RFX1: variants seen among roughly 807,000 people sequenced by gnomAD.
RFX1 encodes the protein MHC class II regulatory factor RFX1.
RFX1 carries 42 observed loss-of-function variants against 119.6 expected under a neutral mutation model. The ratio of observed to expected loss-of-function variants is 0.35; its 90% CI spans 0.27 to 0.45. The LOEUF (loss-of-function observed/expected upper bound fraction) is 0.45. RFX1 is among the 20% of genes least tolerant of loss of function. RFX1 has a pLI of 1.00. For synonymous variants in RFX1, 628 were observed against 618.5 expected (o/e 1.02, Z -0.23); for missense variants, 1,118 against 1,368.1 (o/e 0.82, Z 2.88).
intron 5 of RFX1, among the ~76,000 whole-genome samples, chr19:13,981,080 C>G (rs1055862626): frequency 1.3e-5 from 2 of 152,208 alleles, no homozygotes; most frequent in African/African-American, 4.8e-5. Context: ...TCACTGGAAT[C>G]TCATGGCACC....
rs1042511900 is a variant in RFX1, at chr19:13,985,139, G to C, written c.320-1544C>G. 6.6e-6 allele frequency among the ~76,000 whole-genome samples: 1 copy of C among 152,096 alleles called. No homozygotes were observed. The highest frequency in any genetic ancestry group is 1.9e-4 in the East Asian group (1 of 5,174). Reference sequence around the variant, plus strand: ...CATCTCCCGAAGTGCCGGAATTACCGGCGTGAGCCACTGTGCCTGGCTGAC... The same window carrying C: ...CATCTCCCGAAGTGCCGGAATTACCCGCGTGAGCCACTGTGCCTGGCTGAC... On this transcript the variant is annotated intron_variant, in intron 2 of 20. Coordinates refer to ENST00000254325, the MANE Select transcript of RFX1 (RefSeq NM_002918.5). The surrounding 1 kb of genome is among the most constrained non-coding windows in gnomAD (Gnocchi z 4.3).
At chr19:13,971,954 C>A (rs905244491) in intron 9 of RFX1, among the ~76,000 whole-genome samples, 2 of 151,920 alleles carry the variant, frequency 1.3e-5, no homozygotes, top group African/African-American at 2.4e-5. Context: ...CGCAGTGAGC[C>A]GAGATCATGC....
chr19:13,982,034 G>T, intron 5 of RFX1, 87 bp downstream of exon 5: 1 of 557,208 alleles, frequency 1.8e-6, no homozygotes, highest in Non-Finnish European at 2.8e-6. Flanking sequence ...GGGGGGCGGG[G>T]CAGGGAGCCC....
intron 2 of RFX1, among the ~76,000 whole-genome samples, chr19:13,992,278 C>CA (rs568566540): frequency 1.2e-4 from 18 of 152,106 alleles, no homozygotes; most frequent in Middle Eastern, 3.4e-3. Flanking sequence ...ATCTCTAAAC[C>CA]AAAAAAACAC....
In RFX1 at chr19:13,965,436, C is replaced by T. The variant is rs1443621113; in HGVS notation, c.2211+13G>A. 1 of 1,611,590 alleles carries T rather than the reference C, an allele frequency of 6.2e-7. No homozygotes were observed. Among genetic ancestry groups the T allele is most frequent in the Non-Finnish European group, 8.5e-7 (1 of 1,178,012 alleles). On this transcript the variant is annotated intron_variant, in intron 16 of 20. Transcript: ENST00000254325. This position sits in a 1 kb window ranked among gnomAD's most constrained non-coding sequence, Gnocchi z 4.7. The stretch of plus-strand genomic sequence containing the variant: ...CCCAGAGATAGGAGAAAGGGACCCC[C>T]TCACACTCTCACCTTCACCCGCAGC...
chr19:14,002,094 C>T (rs1248179214), intron 1 of RFX1, among the ~76,000 whole-genome samples: 1 of 151,526 alleles, frequency 6.6e-6, no homozygotes, highest in African/African-American at 2.4e-5. Flanking sequence ...CAAGATTGCG[C>T]CATTGCATTC....
chr19:13,979,637 C>A, intron 6 of RFX1, 95 bp from the exon 7 acceptor site: 2 of 772,224 alleles, frequency 2.6e-6, no homozygotes, highest in Non-Finnish European at 4.0e-6. Context: ...AAGCTCACAG[C>A]AGACCCATAA....
In RFX1 at chr19:13,962,663, G is replaced by T; in HGVS notation, c.*32C>A. ...TGAGGGACCCTGGCGTGGAGGGGTG[G>T]CGGGGGCGGGTGGGGCGGGGAGGCC... On this transcript the variant is annotated 3_prime_UTR_variant, in exon 21 of 21. Transcript: ENST00000254325. The T allele has an allele frequency of 6.7e-7, 1 of 1,485,742 alleles. No individual in the cohort carries two copies. The highest frequency in any genetic ancestry group is 8.9e-7 in the Non-Finnish European group (1 of 1,119,656). The allele number at this position is 1,485,742 out of a possible 1,614,324, so 92.0% of individuals were successfully genotyped here.
At chr19:13,988,093 C>G (rs1229607746) in intron 2 of RFX1, among the ~76,000 whole-genome samples, 1 of 146,632 alleles carries the variant, frequency 6.8e-6, no homozygotes, top group African/African-American at 2.6e-5. Context: ...ATGACATGAT[C>G]TCGACTCACT....
chr19:14,005,083 C>T (rs1166760421), intron 1 of RFX1, among the ~76,000 whole-genome samples: 1 of 152,198 alleles, frequency 6.6e-6, no homozygotes, highest in African/African-American at 2.4e-5. Context: ...GCTTCATTTG[C>T]TCCCCCATTC....
At chr19:13,967,148 T>G (rs187163277) in intron 12 of RFX1, among the ~76,000 whole-genome samples, 1 of 152,216 alleles carries the variant, frequency 6.6e-6, no homozygotes, top group East Asian at 1.9e-4. Flanking sequence ...ACAGTCGCCC[T>G]AGGGATGCCC....
intron 8 of RFX1, among the ~76,000 whole-genome samples, chr19:13,977,022 T>G (rs978516696): frequency 5.4e-5 from 8 of 148,256 alleles, no homozygotes; most frequent in Non-Finnish European, 1.2e-4. Flanking sequence ...AAAAGTCCAG[T>G]GCGGTGGCTC....
Position 13,968,818 on chromosome 19 carries a change from G to T in RFX1, c.1573C>A (p.Gln525Lys), listed in dbSNP as rs866762330. Reference protein sequence around the residue: ...SPLLRLMEDQQHMAMRGQPFS... With the variant: ...SPLLRLMEDQKHMAMRGQPFS... ...GGCTGGCCCCGCATGGCCATGTGCT[G>T]CTGGTCCTCCATCAGCCGCAGCAGG... The change falls in exon 11 of 21, where the codon CAG becomes AAG. Residue 525 changes from glutamine (Q) to lysine (K), a missense_variant. By Grantham distance (53) the Gln-to-Lys change is moderately conservative. Transcript: ENST00000254325. The surrounding 1 kb of genome is among the most constrained non-coding windows in gnomAD (Gnocchi z 5.5). 4 of 1,566,066 alleles carry T rather than the reference G, an allele frequency of 2.6e-6. No individual in the cohort carries two copies. Among genetic ancestry groups the T allele is most frequent in the South Asian group, 1.2e-5 (1 of 86,332 alleles).
In RFX1 at chr19:13,985,539, G is replaced by A. The variant is rs574358203; in HGVS notation, c.320-1944C>T. On this transcript the variant is annotated intron_variant, in intron 2 of 20. Coordinates refer to ENST00000254325, the MANE Select transcript of RFX1 (RefSeq NM_002918.5). This position sits in a 1 kb window ranked among gnomAD's most constrained non-coding sequence, Gnocchi z 4.3. ...CAACAGAGACCAGAAGCAAGGAAGT[G>A]ATCTGTCCAAGGTCAAATGCACCAT... is the stretch of plus-strand genomic sequence containing the variant. Among the ~76,000 whole-genome samples, 1 of 152,340 alleles carries A rather than the reference G, an allele frequency of 6.6e-6. No homozygotes were observed. The highest frequency in any genetic ancestry group is 1.9e-4 in the East Asian group (1 of 5,190).
In RFX1 at chr19:13,963,181, G is replaced by A. The variant is rs775406087; in HGVS notation, c.2665C>T (p.Leu889=). The A allele has an allele frequency of 1.3e-5, 21 of 1,612,634 alleles. No homozygotes were observed. Among genetic ancestry groups the A allele is most frequent in the Non-Finnish European group, 4.2e-6 (5 of 1,179,468 alleles). ...GCCTGGGCTACGCGGTGCTCGATCAGGTAGTACATGTACTCGTCGTAGAGC... is the reference window on the plus strand; with the variant it reads ...GCCTGGGCTACGCGGTGCTCGATCAAGTAGTACATGTACTCGTCGTAGAGC... The part of the protein sequence containing the change: ...RLLYDEYMYY[L]IEHRVAQAKG... Residue 889 remains leucine (L), a synonymous_variant, in exon 19 of 21, where the codon CTG becomes TTG. Coordinates refer to ENST00000254325, the MANE Select transcript of RFX1 (RefSeq NM_002918.5).
rs35165719 is a variant in RFX1 at position 13,994,719 on chromosome 19, ATGTGTGTGTG to A, written c.-52-834_-52-825del. ...GACCCAAGACTCTGTCTAAATATAT[ATGTGTGTGTG>A]TGTGTGTGTGTGTGTGTGTGTGTGT... On this transcript the variant is annotated intron_variant, in intron 1 of 20. Transcript: ENST00000254325. Among the ~76,000 whole-genome samples the A allele has an allele frequency of 8.4e-3, 1,062 of 125,994 alleles. 47 individuals carry two copies. The highest frequency in any genetic ancestry group is 0.073 in the Admixed American group (876 of 11,924). 82.7% of individuals were successfully genotyped at this position (125,994 alleles called of 152,430 possible).
chr19:13,972,974 G>C lies in RFX1; in HGVS notation c.1083C>G (p.Ser361=), dbSNP rs569494540. 5 of 1,599,926 alleles carry C rather than the reference G, an allele frequency of 3.1e-6. No homozygotes were observed. In the African/African-American group the frequency reaches 6.7e-5, roughly 21 times the overall value. ...TGGAGCTGGCGACGACCTGGCTGCC[G>C]GACACGTACATGGGCATGGAGCCAC... ...ASSGSMPMYV[S]GSQVVASSTS... is the part of the protein sequence containing the mutation. Residue 361 remains serine (S), a synonymous_variant, in exon 9 of 21, where the codon TCC becomes TCG. Coordinates refer to ENST00000254325, the MANE Select transcript of RFX1 (RefSeq NM_002918.5).
In RFX1 at chr19:13,962,589, C is replaced by G; in HGVS notation, c.*106G>C. 1.0e-6 allele frequency: 1 copy of G among 975,322 alleles called. No individual in the cohort carries two copies. The highest frequency in any genetic ancestry group is 1.7e-5 in the South Asian group (1 of 57,804). The allele number at this position is 975,322 out of a possible 1,614,324, so 60.4% of individuals were successfully genotyped here. ...GTCTTCCCTGTCTCGGAGTCCCCCT[C>G]CCTGCCCTGGCTGAGGCTGGAGCAG... On this transcript the variant is annotated 3_prime_UTR_variant, in exon 21 of 21. Coordinates refer to ENST00000254325, the MANE Select transcript of RFX1 (RefSeq NM_002918.5).
rs916485224 is a variant in RFX1, at chr19:13,997,003, C to T, written c.-52-3108G>A. Among the ~76,000 whole-genome samples, 11 of 152,254 alleles carry T rather than the reference C, an allele frequency of 7.2e-5. No homozygotes were observed. The South Asian group carries it at 1.4e-3, about 20-fold the overall frequency. On this transcript the variant is annotated intron_variant, in intron 1 of 20. Coordinates refer to ENST00000254325, the MANE Select transcript of RFX1 (RefSeq NM_002918.5). Reference sequence around the variant, plus strand: ...CCTCCCAAAGTGCTAGGATTACAGGCGTGAGCCACCGCGCCCAACCTTCAT... The same window carrying T: ...CCTCCCAAAGTGCTAGGATTACAGGTGTGAGCCACCGCGCCCAACCTTCAT...
Sources: allele counts gnomAD v4.1 joint callset (sites outside exome capture counted in the v4.1 genomes callset), GRCh38; gene constraint gnomAD v4.1.1; non-coding constraint Gnocchi (gnomAD v3.1); transcripts MANE v1.5; gene names NCBI Gene and HGNC (gene_info 2026-07-23, HGNC 2026-07-21).